AP4S1: variants seen among roughly 807,000 people sequenced by gnomAD.
AP4S1 encodes the protein adaptor related protein complex 4 subunit sigma 1.
A neutral mutation model predicts 19.8 loss-of-function variants in AP4S1; 23 were observed. The observed-to-expected ratio is 1.16, with a 90% CI of 0.84 to 1.65. The LOEUF (loss-of-function observed/expected upper bound fraction) is 1.65. Among genes scored for constraint, AP4S1 ranks in the 40% most tolerant of loss-of-function variants. AP4S1 has a pLI of 0.00. For missense variants in AP4S1, 166 were observed against 172.8 expected (o/e 0.96, Z 0.22); for synonymous variants, 46 against 54.1 (o/e 0.85, Z 0.66).
chr14:31,057,998 T>G (rs1260479722), intron 1 of AP4S1, among the ~76,000 whole-genome samples: 3 of 151,194 alleles, frequency 2.0e-5, no homozygotes, highest in Non-Finnish European at 4.4e-5. Context: ...GGAGTGATCA[T>G]AGCTCACTGT....
At chr14:31,059,229 A>G (rs1886298663) in intron 1 of AP4S1, among the ~76,000 whole-genome samples, 1 of 152,230 alleles carries the variant, frequency 6.6e-6, no homozygotes, top group Non-Finnish European at 1.5e-5. Context: ...AGATATATGC[A>G]AGTCTTTAGA....
intron 4 of AP4S1, among the ~76,000 whole-genome samples, chr14:31,077,482 A>G (rs1300031232): frequency 6.6e-6 from 1 of 152,132 alleles, no homozygotes; most frequent in Non-Finnish European, 1.5e-5. Context: ...GCCTGTCTTC[A>G]TTGTCTTAGT....
chr14:31,052,039 C>T (rs139877945), intron 1 of AP4S1, among the ~76,000 whole-genome samples: 162 of 152,076 alleles, frequency 1.1e-3, no homozygotes, highest in African/African-American at 3.6e-3. Context: ...GGGAGGCCAA[C>T]GCAGGAGGAT....
At chr14:31,078,881 A>C (rs1255162768) in intron 4 of AP4S1, among the ~76,000 whole-genome samples, 1 of 152,178 alleles carries the variant, frequency 6.6e-6, no homozygotes, top group Non-Finnish European at 1.5e-5. Flanking sequence ...GGGAAAGAAA[A>C]TAGGATCTGT....
At chr14:31,048,642 G>A (rs1156491347) in intron 1 of AP4S1, among the ~76,000 whole-genome samples, 2 of 152,078 alleles carry the variant, frequency 1.3e-5, no homozygotes, top group African/African-American at 4.8e-5. Flanking sequence ...GGGAGGCTGA[G>A]GGAGGAGAAT....
chr14:31,086,719 A>C (rs1229052750), intron 5 of AP4S1, among the ~76,000 whole-genome samples: 1 of 152,072 alleles, frequency 6.6e-6, no homozygotes, highest in African/African-American at 2.4e-5. Context: ...CCCAGCCAGG[A>C]ATGGCTTGAT....
chr14:31,090,074 C>T (rs556175019), intron 5 of AP4S1, among the ~76,000 whole-genome samples: 11 of 152,230 alleles, frequency 7.2e-5, no homozygotes, highest in Middle Eastern at 3.4e-3. Flanking sequence ...CTGCAACCTC[C>T]GCCTCCGAGG....
At chr14:31,083,531 G>A (rs1312911452) in intron 5 of AP4S1, 1 of 321,790 alleles carries the variant, frequency 3.1e-6, no homozygotes, top group African/African-American at 5.8e-5. Flanking sequence ...TTGAGACAAG[G>A]TCTTGCTCTG....
rs1247867223 is a variant in AP4S1, at chr14:31,094,181, T to TTTTG, written c.*1158_*1161dup. 6.5e-6 allele frequency: 1 copy of TTTTG among 153,982 alleles called. No homozygotes were observed. The highest frequency in any genetic ancestry group is 1.4e-5 in the Non-Finnish European group (1 of 69,538). 9.5% of individuals were successfully genotyped at this position (153,982 alleles called of 1,614,324 possible). On this transcript the variant is annotated 3_prime_UTR_variant, in exon 6 of 6. Transcript: ENST00000542754. The stretch of plus-strand genomic sequence containing the variant: ...CCACCATGCCCAGCCAAGAGGTGTT[T>TTTTG]TTTGTTTGTTTGTTTTTAAGAGAAG...
intron 5 of AP4S1, among the ~76,000 whole-genome samples, chr14:31,087,080 A>G (rs112878172): frequency 6.6e-6 from 1 of 152,144 alleles, no homozygotes; most frequent in African/African-American, 2.4e-5. Context: ...AAAATTTTTT[A>G]AAATAAAAAC....
intron 1 of AP4S1, among the ~76,000 whole-genome samples, chr14:31,027,883 T>C (rs1264737587): frequency 2.6e-5 from 4 of 152,226 alleles, no homozygotes; most frequent in Non-Finnish European, 4.4e-5. Context: ...ATTATATTAA[T>C]AGCGATGCAG....
intron 5 of AP4S1, among the ~76,000 whole-genome samples, chr14:31,089,006 A>G (rs980874267): frequency 7.9e-5 from 12 of 151,788 alleles, no homozygotes; most frequent in Admixed American, 5.9e-4. Context: ...TCCAAAAAAT[A>G]TAGAAATTAG....
intron 5 of AP4S1, among the ~76,000 whole-genome samples, chr14:31,092,649 C>G (rs139020756): frequency 5.9e-5 from 9 of 152,250 alleles, no homozygotes; most frequent in African/African-American, 1.7e-4. Context: ...CCCCCTATCC[C>G]TTTGGTTAAA....
chr14:31,057,783 G>A (rs893601954), intron 1 of AP4S1, among the ~76,000 whole-genome samples: 3 of 151,764 alleles, frequency 2.0e-5, no homozygotes, highest in African/African-American at 4.8e-5. Flanking sequence ...CCGACAACAC[G>A]CCTGGCTAAT....
At chr14:31,026,067 C>T (rs1241717390) in intron 1 of AP4S1, 2 of 1,521,078 alleles carry the variant, frequency 1.3e-6, no homozygotes, top group African/African-American at 1.4e-5. Context: ...AGGACCCCCG[C>T]CGCCCGCCGC....
Position 31,093,214 on chromosome 14 carries a change from A to C in AP4S1, c.*179A>C. ...TAAAAAGAAAACACAACTGTACTTT[A>C]AAATATGTACAAAGAAAAAAATTTC... On this transcript the variant is annotated 3_prime_UTR_variant, in exon 6 of 6. Transcript: ENST00000542754. 1.8e-6 allele frequency: 1 copy of C among 547,088 alleles called. No homozygotes were observed. Among genetic ancestry groups the C allele is most frequent in the Non-Finnish European group, 2.9e-6 (1 of 342,812 alleles). 33.9% of individuals were successfully genotyped at this position (547,088 alleles called of 1,614,324 possible). A position where few individuals can be genotyped will look rare whatever the true frequency, so the allele number is the denominator to read the frequency against.
At chr14:31,085,152 C>A in intron 5 of AP4S1, 1 of 1,236,082 alleles carries the variant, frequency 8.1e-7, no homozygotes, top group Non-Finnish European at 1.0e-6. Flanking sequence ...GCACCCTTTC[C>A]CCATCATGGG....
intron 5 of AP4S1, among the ~76,000 whole-genome samples, chr14:31,084,194 C>T (rs1399841003): frequency 2.0e-5 from 3 of 152,208 alleles, no homozygotes; most frequent in Non-Finnish European, 4.4e-5. Context: ...TCCTTGTCAG[C>T]CCACATGGGA....
Position 31,025,649 on chromosome 14 carries a change from A to T in AP4S1, c.-210A>T. On this transcript the variant is annotated 5_prime_UTR_variant, in exon 1 of 6. Coordinates refer to ENST00000542754, the MANE Select transcript of AP4S1 (RefSeq NM_001128126.3). The stretch of plus-strand genomic sequence containing the variant: ...CCGGAGGAGCCCCCGCAGACGCCAT[A>T]CTAAAAGCCAAAATGGCTGCCCCGA... The T allele has an allele frequency of 1.8e-6, 1 of 546,014 alleles. No homozygotes were observed. The highest frequency in any genetic ancestry group is 3.2e-6 in the Non-Finnish European group (1 of 315,794). 33.8% of individuals were successfully genotyped at this position (546,014 alleles called of 1,614,324 possible). A position where few individuals can be genotyped will look rare whatever the true frequency, so the allele number is the denominator to read the frequency against.
Sources: gnomAD v4.1 joint callset for allele counts (sites outside exome capture counted in the v4.1 genomes callset) on GRCh38, gnomAD v4.1.1 for gene constraint, MANE v1.5 for transcripts, NCBI Gene and HGNC (gene_info 2026-07-23, HGNC 2026-07-21) for gene names.